The following CDH13 variants were observed in gnomAD, a reference collection of about 807,000 sequenced individuals.
CDH13 encodes cadherin 13, also known as cadherin-13.
In CDH13, 24 loss-of-function variants were observed where a neutral mutation model predicts 63.8. The observed-to-expected ratio is 0.38, with a 90% confidence interval of 0.27 to 0.53. The LOEUF (loss-of-function observed/expected upper bound fraction) is 0.53, where lower values mean the gene tolerates loss of function less well. CDH13 is among the 20% of genes least tolerant of loss of function. The probability of loss-of-function intolerance (pLI) is 0.85; values close to 1 mark genes in which losing one functional copy is unlikely to be tolerated. For synonymous variants in CDH13, 503 were observed against 355.3 expected, an observed-to-expected ratio of 1.42 and a Z score of -4.67; for missense variants, 1,049 against 903.1, an observed-to-expected ratio of 1.16 and a Z score of -2.07.
At chr16:82,833,407 G>A (rs2038629990) in intron 1 of CDH13, among the ~76,000 whole-genome samples, 1 of 152,140 alleles carries the variant, frequency 6.6e-6, no homozygotes, top group Non-Finnish European at 1.5e-5. Context: ...TGTGGCGTGG[G>A]GACTCAAAGC....
chr16:83,341,888 A>G (rs758615340), intron 5 of CDH13, among the ~76,000 whole-genome samples: 1 of 151,868 alleles, frequency 6.6e-6, no homozygotes, highest in African/African-American at 2.4e-5. Context: ...TGTGTTTTGT[A>G]TGGCTATCTC....
At chr16:83,232,901 A>G (rs374984696) in intron 5 of CDH13, among the ~76,000 whole-genome samples, 11 of 152,334 alleles carry the variant, frequency 7.2e-5, no homozygotes, top group Admixed American at 1.3e-4. Flanking sequence ...AAGGAAGCTT[A>G]TAAGTTTCCC....
Position 83,486,478 on chromosome 16 carries a change from C to T in CDH13, c.783C>T (p.Gly261=), listed in dbSNP as rs192298176. The T allele has an allele frequency of 6.2e-7, 1 of 1,612,042 alleles. No individual in the cohort carries two copies. Among genetic ancestry groups the T allele is most frequent in the Non-Finnish European group, 8.5e-7 (1 of 1,178,852 alleles). Residue 261 remains glycine (G), a splice_region_variant and synonymous_variant, in exon 7 of 14, where the codon GGC becomes GGT. Transcript: ENST00000567109. ...TGCCTTTCTGTCTTGCCCCGGTAGGCACCACAGTGATGCGGATGACAGCCT... is the reference window on the plus strand; with the variant it reads ...TGCCTTTCTGTCTTGCCCCGGTAGGTACCACAGTGATGCGGATGACAGCCT... ...IGHVMEGSPT[G]TTVMRMTAFD... is the part of the protein sequence containing the mutation.
intron 4 of CDH13, among the ~76,000 whole-genome samples, chr16:83,163,534 C>T (rs1390421147): frequency 6.6e-6 from 1 of 152,164 alleles, no homozygotes; most frequent in African/African-American, 2.4e-5. Flanking sequence ...TTGGCACTCA[C>T]CCATGTCCAG....
chr16:83,595,090 C>T (rs983720967), intron 7 of CDH13, among the ~76,000 whole-genome samples: 24 of 152,348 alleles, frequency 1.6e-4, no homozygotes, highest in African/African-American at 5.5e-4. Context: ...GCTTGACTCT[C>T]TTAGATATGT....
intron 10 of CDH13, among the ~76,000 whole-genome samples, chr16:83,737,756 G>C (rs1046072188): frequency 7.9e-5 from 12 of 152,176 alleles, no homozygotes; most frequent in African/African-American, 2.9e-4. Context: ...CCAAATTGGA[G>C]AACCAGTGGC....
chr16:83,487,607 C>T lies in CDH13; in HGVS notation c.960+952C>T, dbSNP rs558102788. On this transcript the variant is annotated intron_variant, in intron 7 of 13. Transcript: ENST00000567109. ...CAAACACAGCATCCTTAAACCAACTCGTGGATTCCTACCCATCCTTCACTC... is the reference window on the plus strand; with the variant it reads ...CAAACACAGCATCCTTAAACCAACTTGTGGATTCCTACCCATCCTTCACTC... Among the ~76,000 whole-genome samples, 6 of 152,266 alleles carry T rather than the reference C, an allele frequency of 3.9e-5. No individual in the cohort carries two copies. The South Asian group carries it at 1.0e-3, about 26-fold the overall frequency.
chr16:83,244,193 A>G lies in CDH13; in HGVS notation c.636+26696A>G, dbSNP rs1035257209. Among the ~76,000 whole-genome samples the G allele has an allele frequency of 3.3e-5, 5 of 152,138 alleles. No homozygotes were observed. In the East Asian group the frequency reaches 7.7e-4, roughly 24 times the overall value. On this transcript the variant is annotated intron_variant, in intron 5 of 13. Transcript: ENST00000567109. The stretch of plus-strand genomic sequence containing the variant: ...ATCTACAGCTCTGTTCTTTATTGAT[A>G]GTGTTTGTTTTAGACTTGTGAGCTC...
At chr16:82,842,116 A>G (rs1181216765) in intron 1 of CDH13, among the ~76,000 whole-genome samples, 7 of 40,276 alleles carry the variant, frequency 1.7e-4, no homozygotes, top group African/African-American at 4.8e-4. Context: ...ATATATGTAT[A>G]TATATATATA....
At chr16:82,767,861 G>T (rs1376472136) in intron 1 of CDH13, among the ~76,000 whole-genome samples, 1 of 152,198 alleles carries the variant, frequency 6.6e-6, no homozygotes, top group Non-Finnish European at 1.5e-5. Context: ...GAGGGTCCAT[G>T]TGCTCACTTA....
At chr16:82,766,644 A>G (rs1208039863) in intron 1 of CDH13, among the ~76,000 whole-genome samples, 1 of 152,230 alleles carries the variant, frequency 6.6e-6, no homozygotes, top group Admixed American at 6.5e-5. Context: ...TCATAATAAT[A>G]GGAGCCCTCA....
intron 2 of CDH13, among the ~76,000 whole-genome samples, chr16:82,975,003 C>T (rs1388522055): frequency 1.3e-5 from 2 of 152,174 alleles, no homozygotes; most frequent in African/African-American, 4.8e-5. Flanking sequence ...TGTCCAGGCC[C>T]ACATTTCTGA....
intron 2 of CDH13, among the ~76,000 whole-genome samples, chr16:82,929,801 C>T (rs2042426672): frequency 1.3e-5 from 2 of 151,798 alleles, no homozygotes. Context: ...TGTTAAAAAG[C>T]CACCCAGTCA....
At position 83,486,416 on chromosome 16, in the gene CDH13, G is replaced by C; in HGVS notation, c.782-61G>C. ...ACTGCTATTGCCCAGGTGGGGAAGGGGCTCTGGCCGTTGTTGACCCATTGA... is the reference window on the plus strand; with the variant it reads ...ACTGCTATTGCCCAGGTGGGGAAGGCGCTCTGGCCGTTGTTGACCCATTGA... On this transcript the variant is annotated intron_variant, in intron 6 of 13. Transcript: ENST00000567109. 8.8e-6 allele frequency: 13 copies of C among 1,472,898 alleles called. No individual in the cohort carries two copies. In the South Asian group the frequency reaches 1.6e-4, roughly 18 times the overall value. 91.2% of individuals were successfully genotyped at this position (1,472,898 alleles called of 1,614,324 possible).
intron 4 of CDH13, among the ~76,000 whole-genome samples, chr16:83,140,937 C>T (rs1475113336): frequency 6.6e-6 from 1 of 152,172 alleles, no homozygotes; most frequent in African/African-American, 2.4e-5. Flanking sequence ...TGAAAAATGA[C>T]CAGTTATCTT....
chr16:82,677,810 C>G (rs1680007750), intron 1 of CDH13, among the ~76,000 whole-genome samples: 1 of 152,092 alleles, frequency 6.6e-6, no homozygotes, highest in South Asian at 2.1e-4. Flanking sequence ...TTTTTGACTG[C>G]CTTGATGGTT....
intron 6 of CDH13, among the ~76,000 whole-genome samples, chr16:83,453,738 ACT>A (rs879601630): frequency 2.6e-5 from 4 of 151,456 alleles, no homozygotes; most frequent in African/African-American, 7.3e-5. Context: ...TAAAAAGGAA[ACT>A]CTTTATCCAC....
chr16:83,601,230 C>G (rs1907761020), intron 7 of CDH13, among the ~76,000 whole-genome samples: 1 of 152,064 alleles, frequency 6.6e-6, no homozygotes, highest in African/African-American at 2.4e-5. Flanking sequence ...GCTGCCTTAC[C>G]AGATGAATGG....
chr16:82,648,715 C>G (rs924992828), intron 1 of CDH13, among the ~76,000 whole-genome samples: 1 of 152,148 alleles, frequency 6.6e-6, no homozygotes, highest in Admixed American at 6.5e-5. Context: ...CATTGATACA[C>G]TTGCGTTACA....
Sources: gnomAD v4.1 joint callset for allele counts (sites outside exome capture counted in the v4.1 genomes callset) on GRCh38, gnomAD v4.1.1 for gene constraint, MANE v1.5 for transcripts, NCBI Gene and HGNC (gene_info 2026-07-23, HGNC 2026-07-21) for gene names.